The following CMSS1 variants were observed in gnomAD, a reference collection of about 807,000 sequenced individuals.
The protein encoded by CMSS1 is cms1 ribosomal small subunit homolog.
In CMSS1, 33 loss-of-function variants were observed where a neutral mutation model predicts 43.5. The ratio of observed to expected loss-of-function variants is 0.76; its 90% CI spans 0.57 to 1.01. The LOEUF (loss-of-function observed/expected upper bound fraction) is 1.01. CMSS1 is among the 50% of genes least tolerant of loss of function. The probability of loss-of-function intolerance (pLI) is 0.00; values close to 1 mark genes in which losing one functional copy is unlikely to be tolerated. For missense variants in CMSS1, 313 were observed against 326.4 expected, an observed-to-expected ratio of 0.96 and a Z score of 0.32; for synonymous variants, 115 against 117.2, an observed-to-expected ratio of 0.98 and a Z score of 0.12.
chr3:100,050,076 T>C (rs1460659483), intron 1 of CMSS1, among the ~76,000 whole-genome samples: 3 of 152,226 alleles, frequency 2.0e-5, no homozygotes, highest in African/African-American at 7.2e-5. Context: ...AACATGCTTT[T>C]TTAATCACAC....
intron 1 of CMSS1, chr3:99,874,479 G>A (rs1705402913): frequency 6.6e-6 from 1 of 152,104 alleles, no homozygotes; most frequent in Non-Finnish European, 1.5e-5. Flanking sequence ...TCATTATGGT[G>A]GGCTTCCCTA....
At chr3:99,934,913 A>G (rs914156343) in intron 1 of CMSS1, among the ~76,000 whole-genome samples, 2 of 152,256 alleles carry the variant, frequency 1.3e-5, no homozygotes, top group Non-Finnish European at 2.9e-5. Context: ...GGATAGTAGC[A>G]TCAACATTCT....
intron 1 of CMSS1, among the ~76,000 whole-genome samples, chr3:99,822,110 T>C (rs997892095): frequency 1.3e-5 from 2 of 152,158 alleles, no homozygotes; most frequent in Non-Finnish European, 2.9e-5. Context: ...GAATACTAAT[T>C]GCTTTCCCTT....
intron 1 of CMSS1, among the ~76,000 whole-genome samples, chr3:99,948,112 A>T (rs562472343): frequency 2.0e-5 from 3 of 152,228 alleles, no homozygotes; most frequent in Non-Finnish European, 4.4e-5. Context: ...ATGCTGTCTT[A>T]TGTCCAAAAA....
intron 1 of CMSS1, among the ~76,000 whole-genome samples, chr3:100,094,833 G>A (rs1420170851): frequency 6.6e-6 from 1 of 151,888 alleles, no homozygotes; most frequent in Non-Finnish European, 1.5e-5. Context: ...ACAGGCACCT[G>A]CCACCACACC....
chr3:100,100,447 TA>T (rs1483397338), intron 1 of CMSS1, among the ~76,000 whole-genome samples: 2 of 152,152 alleles, frequency 1.3e-5, no homozygotes, highest in Admixed American at 1.3e-4. Flanking sequence ...GATTAGGTCA[TA>T]AGGCACAGTG....
At chr3:100,062,840 T>C (rs2065597650) in intron 1 of CMSS1, among the ~76,000 whole-genome samples, 1 of 152,230 alleles carries the variant, frequency 6.6e-6, no homozygotes, top group African/African-American at 2.4e-5. Context: ...ATTACTGTGA[T>C]GACTAGTCCC....
chr3:99,860,736 CAG>C (rs1449438514), intron 1 of CMSS1, among the ~76,000 whole-genome samples: 1 of 152,168 alleles, frequency 6.6e-6, no homozygotes, highest in Non-Finnish European at 1.5e-5. Context: ...CTGGAACTGA[CAG>C]GGGAGTGACA....
At position 99,828,464 on chromosome 3, in the gene CMSS1, T is replaced by TC. The variant is rs869116733; in HGVS notation, c.64+10425dup. Among the ~76,000 whole-genome samples, 561 of 150,108 alleles carry TC rather than the reference T, an allele frequency of 3.7e-3. 6 individuals are homozygous for TC. Among genetic ancestry groups the TC allele is most frequent in the African/African-American group, 0.014 (552 of 40,182 alleles). ...ATCACTGCACCCTTTTTTTTTTTTT[T>TC]CCCCACAAACAAGGTCTTGCTCTGT... is the stretch of plus-strand genomic sequence containing the variant. On this transcript the variant is annotated intron_variant, in intron 1 of 9. Transcript: ENST00000421999.
chr3:100,158,843 C>A (rs1389804594), intron 2 of CMSS1, among the ~76,000 whole-genome samples: 1 of 152,160 alleles, frequency 6.6e-6, no homozygotes, highest in South Asian at 2.1e-4. Flanking sequence ...GCTTTGTAAA[C>A]CTAGCACAAA....
intron 8 of CMSS1, among the ~76,000 whole-genome samples, chr3:100,172,644 A>G (rs1276590431): frequency 6.6e-6 from 1 of 152,234 alleles, no homozygotes; most frequent in Non-Finnish European, 1.5e-5. Flanking sequence ...TCCAGCTGCT[A>G]TAAGCAGGTT....
chr3:100,026,523 G>A (rs2064925496), intron 1 of CMSS1, among the ~76,000 whole-genome samples: 1 of 152,086 alleles, frequency 6.6e-6, no homozygotes, highest in Admixed American at 6.6e-5. Context: ...AGTATTTTGA[G>A]AGGAGCTGGA....
chr3:99,908,942 G>A (rs1050974197), intron 1 of CMSS1, among the ~76,000 whole-genome samples: 16 of 151,986 alleles, frequency 1.1e-4, no homozygotes, highest in African/African-American at 1.7e-4. Flanking sequence ...TTAAAATTCT[G>A]TGTGAGATTA....
intron 1 of CMSS1, among the ~76,000 whole-genome samples, chr3:100,130,969 A>G (rs1039741290): frequency 6.6e-6 from 1 of 152,198 alleles, no homozygotes; most frequent in Admixed American, 6.5e-5. Context: ...CCAGAAGACA[A>G]AGGAGGAGAG....
intron 1 of CMSS1, among the ~76,000 whole-genome samples, chr3:100,106,483 G>T (rs150707768): frequency 3.3e-4 from 51 of 152,244 alleles, no homozygotes; most frequent in African/African-American, 1.2e-3. Flanking sequence ...AGATGATCTG[G>T]AGCCACCCAT....
intron 1 of CMSS1, among the ~76,000 whole-genome samples, chr3:99,825,595 A>G (rs1357681266): frequency 6.6e-6 from 1 of 152,180 alleles, no homozygotes; most frequent in African/African-American, 2.4e-5. Context: ...AAATTTATGC[A>G]TATTTCCCTA....
chr3:100,129,539 A>G (rs947478179), intron 1 of CMSS1, among the ~76,000 whole-genome samples: 2 of 152,250 alleles, frequency 1.3e-5, no homozygotes, highest in African/African-American at 4.8e-5. Context: ...GGAGTTCAGC[A>G]AATGTTTATA....
chr3:99,859,020 C>T (rs1944110316), intron 1 of CMSS1, among the ~76,000 whole-genome samples: 2 of 152,246 alleles, frequency 1.3e-5, no homozygotes, highest in Admixed American at 1.3e-4. Context: ...GGGAGATTCT[C>T]TGCCTTCAAA....
At chr3:99,922,191 A>G (rs1410801285) in intron 1 of CMSS1, among the ~76,000 whole-genome samples, 2 of 152,240 alleles carry the variant, frequency 1.3e-5, no homozygotes, top group Non-Finnish European at 2.9e-5. Flanking sequence ...TGAAAGATGA[A>G]AGAAAGTGTC....
Sources: allele counts gnomAD v4.1 joint callset (sites outside exome capture counted in the v4.1 genomes callset), GRCh38; gene constraint gnomAD v4.1.1; transcripts MANE v1.5; gene names NCBI Gene and HGNC (gene_info 2026-07-23, HGNC 2026-07-21).